The following ZNF646 variants were observed in gnomAD, a reference collection of about 807,000 sequenced individuals.
ZNF646 encodes the protein zinc finger protein 646.
A neutral mutation model predicts 115.4 loss-of-function variants in ZNF646; 49 were observed. The observed-to-expected ratio is 0.42, with a 90% CI of 0.34 to 0.54. The LOEUF is 0.54. Among genes scored for constraint, ZNF646 ranks in the 20% least tolerant of loss-of-function variants. ZNF646 has a pLI of 0.04. For missense variants in ZNF646, 2,269 were observed against 2,457.9 expected (o/e 0.92, Z 1.62); for synonymous variants, 933 against 939.0 (o/e 0.99, Z 0.12).
intron 2 of ZNF646, 150 bp downstream of exon 2, chr16:31,081,851 T>G: frequency 1.5e-6 from 2 of 1,295,138 alleles, no homozygotes; most frequent in Non-Finnish European, 2.1e-6. Flanking sequence ...GTGAGAGAAG[T>G]AGCTTGAGGA....
rs539616869 is a variant in ZNF646, at chr16:31,081,688, G to A, written c.5364G>A (p.Thr1788=). Residue 1788 remains threonine (T), a synonymous_variant, in exon 2 of 3, where the codon ACG becomes ACA. Coordinates refer to ENST00000300850, the MANE Select transcript of ZNF646 (RefSeq NM_014699.4). ...QHQQQHQEEW[T]VAGSGAPVAP... is the part of the protein sequence containing the mutation. ...AGCAGCAGCACCAGGAGGAGTGGAC[G>A]GTGGCCGGCTCCGGTAGGGGGCATG... is the stretch of plus-strand genomic sequence containing the variant. The A allele has an allele frequency of 4.0e-5, 63 of 1,589,176 alleles. No individual in the cohort carries two copies. Among genetic ancestry groups the A allele is most frequent in the Middle Eastern group, 1.7e-4 (1 of 5,934 alleles).
In ZNF646 at chr16:31,076,515, T is replaced by G. The variant is rs758715316; in HGVS notation, c.191T>G (p.Val64Gly). The change falls in exon 2 of 3, where the codon GTT becomes GGT. Residue 64 changes from valine to glycine, a missense_variant. By Grantham distance (109) the Val-to-Gly change is moderately radical (BLOSUM62 -3). Transcript: ENST00000300850. ...GGCTACCGTCACCCCGGGAGCCTGG[T>G]TAACCATCGTCGGACCCACGAGACT... Reference protein sequence around the residue: ...GRGYRHPGSLVNHRRTHETGL... With the variant: ...GRGYRHPGSLGNHRRTHETGL... The G allele has an allele frequency of 1.2e-6, 2 of 1,613,228 alleles. No homozygotes were observed. Among genetic ancestry groups the G allele is most frequent in the Non-Finnish European group, 1.7e-6 (2 of 1,179,694 alleles).
Position 31,079,025 on chromosome 16 carries a change from C to T in ZNF646, c.2701C>T (p.Arg901Cys), listed in dbSNP as rs752945376. 10 of 1,586,334 alleles carry T rather than the reference C, an allele frequency of 6.3e-6. No homozygotes were observed. The highest frequency in any genetic ancestry group is 1.7e-4 in the Middle Eastern group (1 of 5,934). Reference protein sequence around the residue: ...PGRAGYRLHRRQAHSSSGMTE... With the variant: ...PGRAGYRLHRCQAHSSSGMTE... ...GCGGGCTGGCTACAGGCTTCACCGG[C>T]GCCAGGCCCACAGCTCCTCTGGCAT... The change falls in exon 2 of 3, where the codon CGC becomes TGC. Residue 901 changes from arginine to cysteine, a missense_variant. Around this residue, in one of 5 missense-constraint regions of ZNF646, gnomAD observed 852 missense variants for 900.2 expected, o/e 0.95. Coordinates refer to ENST00000300850, the MANE Select transcript of ZNF646 (RefSeq NM_014699.4). This position sits in a 1 kb window ranked among gnomAD's most constrained non-coding sequence, Gnocchi z 5.5.
Position 31,083,695 on chromosome 16 carries a change from G to A in ZNF646, c.*603G>A. On this transcript the variant is annotated 3_prime_UTR_variant, in exon 3 of 3. Coordinates refer to ENST00000300850, the MANE Select transcript of ZNF646 (RefSeq NM_014699.4). ...GCTGGGCTTCTGGGCCTGCCCTGGT[G>A]CCTGGAATCACACATGACAGGGTGG... The A allele has an allele frequency of 6.2e-7, 1 of 1,606,210 alleles. No individual in the cohort carries two copies. The highest frequency in any genetic ancestry group is 1.1e-5 in the South Asian group (1 of 89,732).
Position 31,077,667 on chromosome 16 carries a change from C to T in ZNF646, c.1343C>T (p.Thr448Ile). 6.2e-7 allele frequency: 1 copy of T among 1,614,038 alleles called. No homozygotes were observed. Reference protein sequence around the residue: ...VPPAPLLLAETTHKEEEDPTT... With the variant: ...VPPAPLLLAEITHKEEEDPTT... ...CCAGCTCCCCTGCTGCTGGCTGAGACCACCCACAAAGAGGAAGAGGACCCC... is the reference window on the plus strand; with the variant it reads ...CCAGCTCCCCTGCTGCTGGCTGAGATCACCCACAAAGAGGAAGAGGACCCC... Residue 448 changes from threonine (T) to isoleucine (I), a missense_variant, in exon 2 of 3, where the codon ACC (threonine) becomes ATC (isoleucine). Transcript: ENST00000300850.
Position 31,076,505 on chromosome 16 carries a change from G to A in ZNF646, c.181G>A (p.Gly61Arg), listed in dbSNP as rs765484476. The change falls in exon 2 of 3, where the codon GGG becomes AGG. Residue 61 changes from glycine (G) to arginine (R), a missense_variant. This residue lies in a region of ZNF646 where 334 missense variants were observed against 323.5 expected (regional missense o/e 1.03). Coordinates refer to ENST00000300850, the MANE Select transcript of ZNF646 (RefSeq NM_014699.4). ...GTGTGGGCGGGGCTACCGTCACCCC[G>A]GGAGCCTGGTTAACCATCGTCGGAC... is the stretch of plus-strand genomic sequence containing the variant. ...QQCGRGYRHP[G>R]SLVNHRRTHE... The A allele has an allele frequency of 3.7e-6, 6 of 1,613,632 alleles. No individual in the cohort carries two copies. The highest frequency in any genetic ancestry group is 2.2e-5 in the East Asian group (1 of 44,878).
chr16:31,077,209 C>T lies in ZNF646; in HGVS notation c.885C>T (p.His295=), dbSNP rs749909502. 6 of 1,614,188 alleles carry T rather than the reference C, an allele frequency of 3.7e-6. No individual in the cohort carries two copies. The highest frequency in any genetic ancestry group is 5.1e-6 in the Non-Finnish European group (6 of 1,180,016). Residue 295 remains histidine, a synonymous_variant, in exon 2 of 3, where the codon CAC becomes CAT. Transcript: ENST00000300850. ...SRLHAQYRPY[H]CPHCPRVFRL... The stretch of plus-strand genomic sequence containing the variant: ...TGCATGCCCAGTATCGGCCTTACCA[C>T]TGTCCCCACTGCCCCCGTGTCTTCC...
Position 31,080,754 on chromosome 16 carries a change from G to A in ZNF646, c.4430G>A (p.Gly1477Asp), listed in dbSNP as rs7196726. 652,067 of 1,613,170 alleles carry A rather than the reference G, an allele frequency of 0.4. 140,840 individuals are homozygous for A. Among genetic ancestry groups the A allele is most frequent in the South Asian group, 0.7 (63,317 of 91,056 alleles). ...VGGGLGNHSGGWVPQFLTRSE... is the reference protein window; with the variant it reads ...VGGGLGNHSGDWVPQFLTRSE... The stretch of plus-strand genomic sequence containing the variant: ...GGGGGACTGGGGAATCATAGTGGAG[G>A]CTGGGTTCCTCAGTTCCTAACTAGG... The change falls in exon 2 of 3, where the codon GGC becomes GAC. Residue 1477 changes from glycine (G) to aspartate (D), a missense_variant. By Grantham distance (94) the Gly-to-Asp change is moderately conservative. Coordinates refer to ENST00000300850, the MANE Select transcript of ZNF646 (RefSeq NM_014699.4).
In ZNF646 at chr16:31,083,760, C is replaced by A. The variant is rs751073555; in HGVS notation, c.*668C>A. ...GTAATGCCATTTGCCTGCCTGCATT[C>A]TCTTGTCCTGAGAATGGCCAGGTCC... On this transcript the variant is annotated 3_prime_UTR_variant, in exon 3 of 3. Coordinates refer to ENST00000300850, the MANE Select transcript of ZNF646 (RefSeq NM_014699.4). 3.1e-6 allele frequency: 5 copies of A among 1,614,042 alleles called. No homozygotes were observed. The South Asian group carries it at 4.4e-5, about 14-fold the overall frequency.
Position 31,080,337 on chromosome 16 carries a change from G to A in ZNF646, c.4013G>A (p.Arg1338His), listed in dbSNP as rs201923917. The A allele has an allele frequency of 2.7e-5, 44 of 1,613,544 alleles. No homozygotes were observed. The highest frequency in any genetic ancestry group is 3.3e-5 in the Admixed American group (2 of 60,020). ...CPTCPKTYSN[R>H]MALKDHQRLH... ...ACCTGCCCCAAGACCTACTCCAACC[G>A]CATGGCCCTGAAGGACCACCAGAGG... is the stretch of plus-strand genomic sequence containing the variant. Residue 1338 changes from arginine to histidine, a missense_variant, in exon 2 of 3, where the codon CGC (arginine) becomes CAC (histidine). Coordinates refer to ENST00000300850, the MANE Select transcript of ZNF646 (RefSeq NM_014699.4).
Position 31,083,794 on chromosome 16 carries a change from C to T in ZNF646, c.*702C>T, listed in dbSNP as rs182093647. 8.7e-5 allele frequency: 141 copies of T among 1,614,092 alleles called. No homozygotes were observed. The African/African-American group carries it at 1.6e-3, about 19-fold the overall frequency. ...TGAGAATGGCCAGGTCCCCTGTCAG[C>T]AGCTGGTTGGTTGGCCTGTGGGGAA... is the stretch of plus-strand genomic sequence containing the variant. On this transcript the variant is annotated 3_prime_UTR_variant, in exon 3 of 3. Coordinates refer to ENST00000300850, the MANE Select transcript of ZNF646 (RefSeq NM_014699.4).
intron 2 of ZNF646, 121 bp downstream of exon 2, chr16:31,081,822 G>T (rs777622747): frequency 1.0e-4 from 142 of 1,413,630 alleles, no homozygotes; most frequent in Non-Finnish European, 1.3e-4. Flanking sequence ...TAAGAGGTGG[G>T]TGGGGGCTTG....
Position 31,078,686 on chromosome 16 carries a change from C to T in ZNF646, c.2362C>T (p.Leu788Phe). 6.2e-7 allele frequency: 1 copy of T among 1,614,152 alleles called. No homozygotes were observed. Residue 788 changes from leucine (L) to phenylalanine (F), a missense_variant, in exon 2 of 3, where the codon CTC (leucine) becomes TTC (phenylalanine). By Grantham distance (22) the Leu-to-Phe change is conservative. This residue lies in a region of ZNF646 where 852 missense variants were observed against 900.2 expected (regional missense o/e 0.95). Coordinates refer to ENST00000300850, the MANE Select transcript of ZNF646 (RefSeq NM_014699.4). ...TGGTGGCACTCACTTCTGCGATAGC[C>T]TCACTGGGGTGGATGAAGACCAGAA... is the stretch of plus-strand genomic sequence containing the variant. ...EGGGTHFCDS[L>F]TGVDEDQKPA...
intron 2 of ZNF646, chr16:31,082,326 A>AC: frequency 5.8e-6 from 1 of 172,614 alleles, no homozygotes; most frequent in Non-Finnish European, 1.4e-5. Flanking sequence ...CTCTTCTCTA[A>AC]CCTTTATTCA....
At position 31,082,965 on chromosome 16, in the gene ZNF646, C is replaced by T. The variant is rs2057184240; in HGVS notation, c.5378-6C>T. The T allele has an allele frequency of 6.3e-7, 1 of 1,579,708 alleles. No homozygotes were observed. Among genetic ancestry groups the T allele is most frequent in the Non-Finnish European group, 8.6e-7 (1 of 1,161,974 alleles). On this transcript the variant is annotated splice_polypyrimidine_tract_variant and splice_region_variant and intron_variant, in intron 2 of 2. Coordinates refer to ENST00000300850, the MANE Select transcript of ZNF646 (RefSeq NM_014699.4). ...AGTTGGTGACCTCCTCTCTCTCTCC[C>T]CCCAGGAGCCCCAGTGGCACCAGTG...
In ZNF646 at chr16:31,083,319, C is replaced by T. The variant is rs1224109353; in HGVS notation, c.*227C>T. ...AGCCTCATCACCGTGCTCTTCTCAG[C>T]GCCACCCTCAGCAGCCAGATTGCAA... On this transcript the variant is annotated 3_prime_UTR_variant, in exon 3 of 3. Coordinates refer to ENST00000300850, the MANE Select transcript of ZNF646 (RefSeq NM_014699.4). 1.0e-5 allele frequency: 10 copies of T among 970,572 alleles called. No individual in the cohort carries two copies. Among genetic ancestry groups the T allele is most frequent in the Non-Finnish European group, 1.3e-5 (9 of 689,924 alleles). The allele number at this position is 970,572 out of a possible 1,614,324, so 60.1% of individuals were successfully genotyped here.
In ZNF646 at chr16:31,079,277, A is replaced by G. The variant is rs768136178; in HGVS notation, c.2953A>G (p.Thr985Ala). Residue 985 changes from threonine to alanine, a missense_variant, in exon 2 of 3, where the codon ACT becomes GCT. By Grantham distance (58) the Thr-to-Ala change is moderately conservative (BLOSUM62 0). This residue lies in a region of ZNF646 where 1,062 missense variants were observed against 1,172.8 expected (regional missense o/e 0.91). Transcript: ENST00000300850. The surrounding 1 kb of genome is among the most constrained non-coding windows in gnomAD (Gnocchi z 5.5). ...RHHQSQSSGT[T>A]ADKAPSPLGV... ...CCACCAAAGTCAGAGTTCTGGGACTACTGCAGACAAGGCTCCCAGCCCCTT... is the reference window on the plus strand; with the variant it reads ...CCACCAAAGTCAGAGTTCTGGGACTGCTGCAGACAAGGCTCCCAGCCCCTT... 1 of 1,613,874 alleles carries G rather than the reference A, an allele frequency of 6.2e-7. No individual in the cohort carries two copies. The highest frequency in any genetic ancestry group is 1.1e-5 in the South Asian group (1 of 91,066).
chr16:31,079,410 G>C lies in ZNF646; in HGVS notation c.3086G>C (p.Gly1029Ala). The C allele has an allele frequency of 6.2e-7, 1 of 1,614,084 alleles. No homozygotes were observed. Among genetic ancestry groups the C allele is most frequent in the Non-Finnish European group, 8.5e-7 (1 of 1,180,030 alleles). Residue 1029 changes from glycine (G) to alanine (A), a missense_variant, in exon 2 of 3, where the codon GGC (glycine) becomes GCC (alanine). By Grantham distance (60) the Gly-to-Ala change is moderately conservative. Transcript: ENST00000300850. This position sits in a 1 kb window ranked among gnomAD's most constrained non-coding sequence, Gnocchi z 5.5. ...GATGCCAAGTCTCAAGAGGGAGCAGGCACCCCCTTGGGAGACAGCCTCTGC... is the reference window on the plus strand; with the variant it reads ...GATGCCAAGTCTCAAGAGGGAGCAGCCACCCCCTTGGGAGACAGCCTCTGC... ...GGDAKSQEGA[G>A]TPLGDSLCIQ...
Position 31,076,308 on chromosome 16 carries a change from T to G in ZNF646, c.-17T>G. ...GTCTGCTCCTTCTGAACCTCCAGGT[T>G]TCTGCTACGTTGCCCCATGGAGGAC... On this transcript the variant is annotated 5_prime_UTR_variant, in exon 2 of 3. Coordinates refer to ENST00000300850, the MANE Select transcript of ZNF646 (RefSeq NM_014699.4). The G allele has an allele frequency of 6.3e-7, 1 of 1,590,338 alleles. No individual in the cohort carries two copies. Among genetic ancestry groups the G allele is most frequent in the Non-Finnish European group, 8.6e-7 (1 of 1,164,832 alleles).
Sources: gnomAD v4.1 joint callset for allele counts on GRCh38, gnomAD v4.1.1 for gene constraint, gnomAD v4.1.1 regional missense constraint, Gnocchi (gnomAD v3.1) non-coding constraint, MANE v1.5 for transcripts, NCBI Gene and HGNC (gene_info 2026-07-23, HGNC 2026-07-21) for gene names.